Variants in SPATA6 observed in about 807,000 individuals in gnomAD.
SPATA6 encodes the protein spermatogenesis-associated protein 6.
Under a neutral mutation model 65.3 loss-of-function variants are expected in SPATA6, and 56 were observed. The observed-to-expected ratio is 0.86, with a 90% CI of 0.69 to 1.07. The LOEUF (loss-of-function observed/expected upper bound fraction) is 1.07, where lower values mean the gene tolerates loss of function less well. Ranked by LOEUF, SPATA6 falls within the 50% of genes least tolerant of loss-of-function variation. The pLI, the probability that SPATA6 is intolerant of heterozygous loss-of-function variation, is 0.00. For missense variants in SPATA6, 590 were observed against 594.8 expected (o/e 0.99, Z 0.08); for synonymous variants, 199 against 213.2 (o/e 0.93, Z 0.58).
chr1:48,272,132 A>C, the SPATA6 span, among the ~76,000 whole-genome samples: 1 of 152,184 alleles, frequency 6.6e-6, no homozygotes, highest in Non-Finnish European at 1.5e-5. Flanking sequence ...CTATAAAATG[A>C]TGTCAATCAA....
chr1:48,382,407 G>T (rs1378138695), intron 9 of SPATA6, among the ~76,000 whole-genome samples: 2 of 139,900 alleles, frequency 1.4e-5, no homozygotes, highest in South Asian at 4.9e-4. Context: ...CAGTAGGGGC[G>T]GCCGGGCAGA....
chr1:48,373,787 C>A (rs1647574966), intron 9 of SPATA6, among the ~76,000 whole-genome samples: 1 of 152,170 alleles, frequency 6.6e-6, no homozygotes, highest in African/African-American at 2.4e-5. Context: ...CCCTGATAAA[C>A]CCCTCAGATC....
intron 3 of SPATA6, among the ~76,000 whole-genome samples, chr1:48,428,775 ATGTGTGTGTGTGTGTG>A (rs59651745): frequency 2.2e-5 from 3 of 133,574 alleles, no homozygotes; most frequent in South Asian, 2.6e-4. Context: ...AGGTGTATAT[ATGTGTGTGTGTGTGTG>A]TGTGTGTGTG....
At chr1:48,365,866 T>C (rs1490142853) in intron 9 of SPATA6, among the ~76,000 whole-genome samples, 2 of 152,332 alleles carry the variant, frequency 1.3e-5, no homozygotes, top group African/African-American at 4.8e-5. Context: ...ATCCCTGTCT[T>C]GTGCCAGTTT....
intron 3 of SPATA6, among the ~76,000 whole-genome samples, chr1:48,440,236 C>T (rs1041318199): frequency 3.9e-5 from 6 of 152,110 alleles, no homozygotes; most frequent in Non-Finnish European, 7.4e-5. Flanking sequence ...GGGTACATGT[C>T]CCCTTCTCCC....
intron 3 of SPATA6, chr1:48,436,263 A>T: frequency 6.2e-7 from 1 of 1,613,828 alleles, no homozygotes; most frequent in Non-Finnish European, 8.5e-7. Flanking sequence ...GCAATGAAGA[A>T]CGCCTGAAAG....
In SPATA6 at chr1:48,295,744, T is replaced by C. The variant is rs1644802557; in HGVS notation, c.*2969A>G. 6.6e-6 allele frequency: 1 copy of C among 152,212 alleles called. No individual in the cohort carries two copies. Among genetic ancestry groups the C allele is most frequent in the Non-Finnish European group, 1.5e-5 (1 of 68,032 alleles). The allele number at this position is 152,212 out of a possible 1,614,324, so 9.4% of individuals were successfully genotyped here. A position where few individuals can be genotyped will look rare whatever the true frequency, so the allele number is the denominator to read the frequency against. ...AATTATATCTCAATAAAGCTATTAT[T>C]AGCAAATGAACACAATAATGAAAAT... On this transcript the variant is annotated 3_prime_UTR_variant, in exon 13 of 13. Coordinates refer to ENST00000371847, the MANE Select transcript of SPATA6 (RefSeq NM_019073.4).
At chr1:48,332,241 T>C (rs1645936736) in intron 11 of SPATA6, among the ~76,000 whole-genome samples, 1 of 152,100 alleles carries the variant, frequency 6.6e-6, no homozygotes, top group Non-Finnish European at 1.5e-5. Flanking sequence ...AATAAGAAAC[T>C]TGAATGTAAA....
chr1:48,267,827 C>T, the SPATA6 span, among the ~76,000 whole-genome samples: 1 of 139,802 alleles, frequency 7.2e-6, no homozygotes, highest in Admixed American at 7.5e-5. Flanking sequence ...TCTCGGCTCA[C>T]TGCAAGTTCC....
In SPATA6 at chr1:48,325,533, TTCTTCC is replaced by T. The variant is rs528388955; in HGVS notation, c.1195-19661_1195-19656del. ...ATCCTCACTGAATGTCACCCGGGAG[TTCTTCC>T]TCTTCCTCTTTGGTCTTGGAATGTT... On this transcript the variant is annotated intron_variant, in intron 11 of 12. Coordinates refer to ENST00000371847, the MANE Select transcript of SPATA6 (RefSeq NM_019073.4). 3,436 of 1,198,418 alleles carry T rather than the reference TTCTTCC, an allele frequency of 2.9e-3. 11 individuals carry two copies. Among genetic ancestry groups the T allele is most frequent in the Admixed American group, 5.4e-3 (314 of 58,626 alleles). 74.2% of individuals were successfully genotyped at this position (1,198,418 alleles called of 1,614,324 possible).
In SPATA6 at chr1:48,297,655, C is replaced by G. The variant is rs41289158; in HGVS notation, c.*1058G>C. On this transcript the variant is annotated 3_prime_UTR_variant, in exon 13 of 13. Coordinates refer to ENST00000371847, the MANE Select transcript of SPATA6 (RefSeq NM_019073.4). Reference sequence around the variant, plus strand: ...TATTCCTACACTCTCCTTTCCCTCCCCTCACTCTCTATTAAATATAAAGTA... The same window carrying G: ...TATTCCTACACTCTCCTTTCCCTCCGCTCACTCTCTATTAAATATAAAGTA... 1 of 152,146 alleles carries G rather than the reference C, an allele frequency of 6.6e-6. No individual in the cohort carries two copies. The highest frequency in any genetic ancestry group is 1.5e-5 in the Non-Finnish European group (1 of 68,018). The allele number at this position is 152,146 out of a possible 1,614,324, so 9.4% of individuals were successfully genotyped here.
chr1:48,471,412 G>A (rs1223253630), intron 1 of SPATA6, among the ~76,000 whole-genome samples: 1 of 152,168 alleles, frequency 6.6e-6, no homozygotes, highest in Non-Finnish European at 1.5e-5. Context: ...GGAAGGCAAG[G>A]TACTTTGCGC....
intron 3 of SPATA6, among the ~76,000 whole-genome samples, chr1:48,413,959 A>G (rs1223193942): frequency 1.3e-5 from 2 of 152,228 alleles, no homozygotes; most frequent in Non-Finnish European, 2.9e-5. Context: ...TTGTCTGCTT[A>G]CAAGATAAAT....
At chr1:48,445,013 G>A (rs1025440312) in intron 3 of SPATA6, among the ~76,000 whole-genome samples, 16 of 152,096 alleles carry the variant, frequency 1.1e-4, no homozygotes, top group African/African-American at 3.6e-4. Flanking sequence ...TTGATTTTAG[G>A]CAGACAGATA....
At chr1:48,391,206 A>C (rs1285292346) in intron 8 of SPATA6, among the ~76,000 whole-genome samples, 1 of 146,476 alleles carries the variant, frequency 6.8e-6, no homozygotes, top group Non-Finnish European at 1.5e-5. Context: ...CTCTACAGAA[A>C]AAAAAAAAAA....
chr1:48,278,641 A>G, the SPATA6 span, among the ~76,000 whole-genome samples: 1 of 152,216 alleles, frequency 6.6e-6, no homozygotes, highest in Non-Finnish European at 1.5e-5. Flanking sequence ...GAAAAAGAAC[A>G]AAAAGAAATG....
At chr1:48,268,031 A>G in the SPATA6 span, among the ~76,000 whole-genome samples, 12 of 151,986 alleles carry the variant, frequency 7.9e-5, no homozygotes, top group East Asian at 1.6e-3. Context: ...GATTACAGGC[A>G]TGAGCCACCG....
chr1:48,354,426 T>C (rs977273500), intron 11 of SPATA6, among the ~76,000 whole-genome samples: 3 of 152,162 alleles, frequency 2.0e-5, no homozygotes, highest in Non-Finnish European at 4.4e-5. Context: ...CCCAAGGACA[T>C]GTGCATACTG....
chr1:48,327,052 G>A (rs10399798), intron 11 of SPATA6, among the ~76,000 whole-genome samples: 21,728 of 151,924 alleles, frequency 0.14, 1,759 homozygotes, highest in African/African-American at 0.21. Context: ...AATCAACATA[G>A]TAAACAGACA....
Sources: gnomAD v4.1 joint callset for allele counts (sites outside exome capture counted in the v4.1 genomes callset) on GRCh38, gnomAD v4.1.1 for gene constraint, MANE v1.5 for transcripts, NCBI Gene and HGNC (gene_info 2026-07-23, HGNC 2026-07-21) for gene names.